CDH6: variants seen among roughly 807,000 people sequenced by gnomAD.
CDH6 encodes cadherin-6.
A neutral mutation model predicts 78.0 loss-of-function variants in CDH6; 31 were observed. That is an observed-to-expected ratio of 0.40 (90% CI 0.30 to 0.54). The LOEUF is 0.54. Among genes scored for constraint, CDH6 ranks in the 20% least tolerant of loss-of-function variants. CDH6 has a pLI of 0.56. For missense variants in CDH6, 724 were observed against 975.9 expected, an observed-to-expected ratio of 0.74 and a Z score of 3.44; for synonymous variants, 376 against 368.8, an observed-to-expected ratio of 1.02 and a Z score of -0.23.
At chr5:31,265,610 C>G (rs1742320185) in intron 1 of CDH6, among the ~76,000 whole-genome samples, 1 of 152,056 alleles carries the variant, frequency 6.6e-6, no homozygotes, top group African/African-American at 2.4e-5. Context: ...GTGAACCAAT[C>G]TTTTCTGATG....
At position 31,323,408 on chromosome 5, in the gene CDH6, C is replaced by CCT; in HGVS notation, c.*100_*101insCT. On this transcript the variant is annotated 3_prime_UTR_variant, in exon 12 of 12. Coordinates refer to ENST00000265071, the MANE Select transcript of CDH6 (RefSeq NM_004932.4). ...TCCGTGAAGGCTTCTCTGTTCTACCCGTTCCAAAAGCCAATGGCTGCAGTC... is the reference window on the plus strand; with the variant it reads ...TCCGTGAAGGCTTCTCTGTTCTACCCCTGTTCCAAAAGCCAATGGCTGCAGTC... 7.2e-7 allele frequency: 1 copy of CCT among 1,380,054 alleles called. No individual in the cohort carries two copies. Among genetic ancestry groups the CCT allele is most frequent in the South Asian group, 1.4e-5 (1 of 70,828 alleles). The allele number at this position is 1,380,054 out of a possible 1,614,324, so 85.5% of individuals were successfully genotyped here.
At position 31,327,169 on chromosome 5, in the gene CDH6, G is replaced by A. The variant is rs768136391; in HGVS notation, c.*3861G>A. 13 of 184,716 alleles carry A rather than the reference G, an allele frequency of 7.0e-5. No individual in the cohort carries two copies. Among genetic ancestry groups the A allele is most frequent in the Non-Finnish European group, 1.5e-4 (13 of 87,206 alleles). 11.4% of individuals were successfully genotyped at this position (184,716 alleles called of 1,614,324 possible). A position where few individuals can be genotyped will look rare whatever the true frequency, so the allele number is the denominator to read the frequency against. ...TAGATATCCCACTGGGGATAGTGGTGTGTAAACTATGACTTGGACAATTCT... is the reference window on the plus strand; with the variant it reads ...TAGATATCCCACTGGGGATAGTGGTATGTAAACTATGACTTGGACAATTCT... On this transcript the variant is annotated 3_prime_UTR_variant, in exon 12 of 12. Transcript: ENST00000265071.
At chr5:31,247,237 A>G (rs544987527) in intron 1 of CDH6, among the ~76,000 whole-genome samples, 2 of 152,220 alleles carry the variant, frequency 1.3e-5, no homozygotes, top group Non-Finnish European at 2.9e-5. Flanking sequence ...GCTAGTAGGT[A>G]TCTGCTCCTC....
At chr5:31,195,924 T>C (rs1327315471) in intron 1 of CDH6, among the ~76,000 whole-genome samples, 2 of 152,228 alleles carry the variant, frequency 1.3e-5, no homozygotes, top group African/African-American at 4.8e-5. Flanking sequence ...AGGAAAATGG[T>C]GCCAATTCAG....
chr5:31,260,280 T>C (rs565030747), intron 1 of CDH6, among the ~76,000 whole-genome samples: 1 of 152,302 alleles, frequency 6.6e-6, no homozygotes, highest in Admixed American at 6.5e-5. Flanking sequence ...AGACACAAAT[T>C]GGTCCCCTCT....
chr5:31,243,828 T>A (rs959011859), intron 1 of CDH6, among the ~76,000 whole-genome samples: 1 of 152,220 alleles, frequency 6.6e-6, no homozygotes, highest in African/African-American at 2.4e-5. Context: ...CTGCTCAACA[T>A]CATCAAAGAC....
At position 31,267,332 on chromosome 5, in the gene CDH6, ATTAT is replaced by A; in HGVS notation, c.-128-12_-128-9del. 1 of 630,714 alleles carries A rather than the reference ATTAT, an allele frequency of 1.6e-6. No individual in the cohort carries two copies. Among genetic ancestry groups the A allele is most frequent in the Non-Finnish European group, 2.8e-6 (1 of 356,384 alleles). 39.1% of individuals were successfully genotyped at this position (630,714 alleles called of 1,614,324 possible). On this transcript the variant is annotated splice_polypyrimidine_tract_variant and intron_variant, in intron 1 of 11. Transcript: ENST00000265071. ...CATCTCTAAAAATGCTTGTTATGTT[ATTAT>A]TCTTTCCAGATATCCTCTGAGAGCC...
rs1423541235 is a variant in CDH6 at position 31,322,902 on chromosome 5, T to C, written c.1967T>C (p.Ile656Thr). ...TCCAAAGAGGACATCAGAGATAACA[T>C]TGTCAGTTACAACGACGAAGGTGGT... ...IISKEDIRDN[I>T]VSYNDEGGGE... is the part of the protein sequence containing the mutation. The change falls in exon 12 of 12, where the codon ATT (isoleucine) becomes ACT (threonine). Residue 656 changes from isoleucine to threonine, a missense_variant. Transcript: ENST00000265071. 5 of 1,614,074 alleles carry C rather than the reference T, an allele frequency of 3.1e-6. No individual in the cohort carries two copies. Among genetic ancestry groups the C allele is most frequent in the East Asian group, 4.5e-5 (2 of 44,896 alleles).
chr5:31,308,456 A>T (rs1434440182), intron 7 of CDH6, among the ~76,000 whole-genome samples: 1 of 150,446 alleles, frequency 6.6e-6, no homozygotes, highest in Non-Finnish European at 1.5e-5. Flanking sequence ...AGAGCTACCT[A>T]GCAGAAGGAT....
Position 31,297,395 on chromosome 5 carries a change from T to G in CDH6, c.630T>G (p.Val210=). The part of the protein sequence containing the change: ...SILQGQPYFS[V]ESETGIIKTA... ...TACAGGGACAGCCCTATTTTTCAGT[T>G]GAATCAGAAACAGGTTAGACTTTTT... Residue 210 remains valine (V), a synonymous_variant, in exon 4 of 12, where the codon GTT becomes GTG. Coordinates refer to ENST00000265071, the MANE Select transcript of CDH6 (RefSeq NM_004932.4). The G allele has an allele frequency of 1.9e-6, 3 of 1,607,522 alleles. No individual in the cohort carries two copies. Among genetic ancestry groups the G allele is most frequent in the Non-Finnish European group, 2.6e-6 (3 of 1,176,132 alleles).
intron 1 of CDH6, among the ~76,000 whole-genome samples, chr5:31,203,341 C>T (rs1355119675): frequency 7.0e-6 from 1 of 142,034 alleles, no homozygotes; most frequent in Non-Finnish European, 1.5e-5. Context: ...TGGTGCGCTG[C>T]ACCCACTAAC....
intron 1 of CDH6, among the ~76,000 whole-genome samples, chr5:31,195,718 T>C (rs751812411): frequency 1.3e-5 from 2 of 152,174 alleles, no homozygotes; most frequent in African/African-American, 4.8e-5. Context: ...AACCCAACAA[T>C]TGACTGGAAA....
At chr5:31,216,786 T>C (rs1298688880) in intron 1 of CDH6, among the ~76,000 whole-genome samples, 1 of 151,742 alleles carries the variant, frequency 6.6e-6, no homozygotes, top group Non-Finnish European at 1.5e-5. Context: ...AAATAATAAA[T>C]GGCAGTTTGA....
chr5:31,264,748 A>C (rs1742295076), intron 1 of CDH6, among the ~76,000 whole-genome samples: 2 of 152,214 alleles, frequency 1.3e-5, no homozygotes, highest in South Asian at 4.1e-4. Flanking sequence ...AAGTTGATAC[A>C]AAAAGAACTG....
Position 31,317,658 on chromosome 5 carries a change from G to C in CDH6, c.1631-15G>C, listed in dbSNP as rs1015754920. On this transcript the variant is annotated splice_polypyrimidine_tract_variant and intron_variant, in intron 10 of 11. Coordinates refer to ENST00000265071, the MANE Select transcript of CDH6 (RefSeq NM_004932.4). ...AGTATCCACATACATTCACCACTTTGCTTTCCGGTTCCAGACAACACGGCG... is the reference window on the plus strand; with the variant it reads ...AGTATCCACATACATTCACCACTTTCCTTTCCGGTTCCAGACAACACGGCG... The C allele has an allele frequency of 1.2e-6, 2 of 1,602,904 alleles. No homozygotes were observed. The highest frequency in any genetic ancestry group is 1.7e-6 in the Non-Finnish European group (2 of 1,172,482).
At chr5:31,214,310 A>G (rs1445623803) in intron 1 of CDH6, among the ~76,000 whole-genome samples, 2 of 152,194 alleles carry the variant, frequency 1.3e-5, no homozygotes, top group Non-Finnish European at 2.9e-5. Flanking sequence ...TCCTAAGGGG[A>G]ATAAAATATC....
intron 1 of CDH6, among the ~76,000 whole-genome samples, chr5:31,264,246 G>A (rs1236857768): frequency 6.6e-6 from 1 of 152,228 alleles, no homozygotes; most frequent in African/African-American, 2.4e-5. Flanking sequence ...TTCTGCAGAT[G>A]TTTGCAATGT....
chr5:31,256,002 G>A (rs147694056), intron 1 of CDH6, among the ~76,000 whole-genome samples: 133 of 152,306 alleles, frequency 8.7e-4, no homozygotes, highest in African/African-American at 3.1e-3. Flanking sequence ...TAACAGGCAA[G>A]TATCTGAAGA....
At chr5:31,283,353 GA>G (rs1247680906) in intron 2 of CDH6, among the ~76,000 whole-genome samples, 3 of 152,044 alleles carry the variant, frequency 2.0e-5, no homozygotes, top group Non-Finnish European at 2.9e-5. Context: ...AAAACACAGG[GA>G]AAAAAATGTG....
Sources: gnomAD v4.1 joint callset for allele counts (sites outside exome capture counted in the v4.1 genomes callset) on GRCh38, gnomAD v4.1.1 for gene constraint, MANE v1.5 for transcripts, NCBI Gene and HGNC (gene_info 2026-07-23, HGNC 2026-07-21) for gene names.